FAM222B: variants seen among roughly 807,000 people sequenced by gnomAD.
The protein encoded by FAM222B is family with sequence similarity 222 member B.
A neutral mutation model predicts 38.0 loss-of-function variants in FAM222B; 12 were observed. The ratio of observed to expected loss-of-function variants is 0.32; its 90% CI spans 0.20 to 0.51. FAM222B has a LOEUF of 0.51. FAM222B is among the 20% of genes least tolerant of loss of function. FAM222B has a pLI of 0.97. For missense variants in FAM222B, 716 were observed against 754.2 expected (o/e 0.95, Z 0.59); for synonymous variants, 329 against 317.2 (o/e 1.04, Z -0.40).
At chr17:28,761,639 C>A (rs865934953) in intron 2 of FAM222B, among the ~76,000 whole-genome samples, 1 of 152,126 alleles carries the variant, frequency 6.6e-6, no homozygotes, top group Non-Finnish European at 1.5e-5. Flanking sequence ...TGGTTAGCAA[C>A]TCCTGCTCTG....
At chr17:28,813,174 T>C (rs2037880495) in intron 1 of FAM222B, among the ~76,000 whole-genome samples, 1 of 148,266 alleles carries the variant, frequency 6.7e-6, no homozygotes, top group South Asian at 2.1e-4. Flanking sequence ...ACACACATAG[T>C]TGGCTCCAAC....
At chr17:28,815,950 G>C (rs2038006761) in intron 1 of FAM222B, among the ~76,000 whole-genome samples, 1 of 145,248 alleles carries the variant, frequency 6.9e-6, no homozygotes, top group African/African-American at 2.6e-5. Context: ...CTGGGCAACA[G>C]AGCGAGACTC....
At chr17:28,851,889 AC>A (rs1395325285) in intron 1 of FAM222B, among the ~76,000 whole-genome samples, 6 of 145,822 alleles carry the variant, frequency 4.1e-5, no homozygotes, top group African/African-American at 7.7e-5. Flanking sequence ...AAAAAAAAAA[AC>A]CAAAAACAGA....
intron 1 of FAM222B, among the ~76,000 whole-genome samples, chr17:28,822,818 AAAAAAAAAAAAAAAATATATATAT>A (rs2038285655): frequency 9.9e-6 from 1 of 100,564 alleles, no homozygotes; most frequent in African/African-American, 5.0e-5. Context: ...AAAAAAAAAA[AAAAAAAAAAAAAAAATATATATAT>A]ATATATATAT....
intron 1 of FAM222B, among the ~76,000 whole-genome samples, chr17:28,814,663 C>T (rs567345908): frequency 3.3e-5 from 5 of 151,994 alleles, no homozygotes; most frequent in Admixed American, 6.6e-5. Flanking sequence ...GACGGGGTTT[C>T]GCCATGGTGG....
intron 1 of FAM222B, among the ~76,000 whole-genome samples, chr17:28,820,637 T>C (rs1246911231): frequency 1.8e-5 from 2 of 112,442 alleles, no homozygotes; most frequent in Non-Finnish European, 4.4e-5. Flanking sequence ...ATGGTAAAAC[T>C]TTTTTTTTTT....
chr17:28,846,577 G>A (rs144827475), upstream of FAM222B, among the ~76,000 whole-genome samples: 36 of 152,110 alleles, frequency 2.4e-4, no homozygotes, highest in Admixed American at 1.6e-3. Flanking sequence ...GCTGAAGAGC[G>A]AGGATTGCTT....
At chr17:28,842,400 G>A (rs2039074672) in intron 1 of FAM222B, among the ~76,000 whole-genome samples, 1 of 152,110 alleles carries the variant, frequency 6.6e-6, no homozygotes, top group South Asian at 2.1e-4. Context: ...TCTGAAAGAA[G>A]CGGAAAGGAG....
chr17:28,795,278 G>A (rs2036886808), intron 1 of FAM222B, among the ~76,000 whole-genome samples: 1 of 152,132 alleles, frequency 6.6e-6, no homozygotes, highest in African/African-American at 2.4e-5. Flanking sequence ...CCAAGTAGAT[G>A]GGATTACAGG....
chr17:28,781,091 G>A (rs2036148641), intron 1 of FAM222B, among the ~76,000 whole-genome samples: 1 of 152,052 alleles, frequency 6.6e-6, no homozygotes, highest in South Asian at 2.1e-4. Flanking sequence ...ATAGGTACGT[G>A]AAAAAATGCT....
At chr17:28,799,125 C>T (rs1449175236) in intron 1 of FAM222B, among the ~76,000 whole-genome samples, 1 of 151,106 alleles carries the variant, frequency 6.6e-6, no homozygotes, top group Non-Finnish European at 1.5e-5. Flanking sequence ...CAGGCGCACA[C>T]CACCATGCCC....
At chr17:28,852,106 G>A (rs1482940425) in intron 1 of FAM222B, among the ~76,000 whole-genome samples, 4 of 151,384 alleles carry the variant, frequency 2.6e-5, no homozygotes, top group South Asian at 2.1e-4. Flanking sequence ...GGTGGCTCAC[G>A]CCTGCAATCC....
chr17:28,846,300 C>T (rs2039145672), upstream of FAM222B, among the ~76,000 whole-genome samples: 2 of 151,332 alleles, frequency 1.3e-5, 1 homozygote, highest in South Asian at 4.2e-4. Context: ...ACCCAGGAGG[C>T]AGAGGTTGCA....
chr17:28,836,380 G>A (rs141762747), intron 1 of FAM222B, among the ~76,000 whole-genome samples: 33 of 152,066 alleles, frequency 2.2e-4, no homozygotes, highest in South Asian at 4.2e-4. Flanking sequence ...GCCAGCATAC[G>A]CCTGTAATCC....
rs930053113 is a variant in FAM222B, at chr17:28,757,210, T to G, written c.*1060A>C. ...AGAGCTTAAGGCTTTGTGTTTGTTT[T>G]TTTTTCCTTCATTAAACTGAGGGGC... On this transcript the variant is annotated 3_prime_UTR_variant, in exon 3 of 3. Transcript: ENST00000581407. 6.6e-6 allele frequency: 1 copy of G among 152,578 alleles called. No homozygotes were observed. Among genetic ancestry groups the G allele is most frequent in the Admixed American group, 6.5e-5 (1 of 15,268 alleles). 9.5% of individuals were successfully genotyped at this position (152,578 alleles called of 1,614,324 possible). A position where few individuals can be genotyped will look rare whatever the true frequency, so the allele number is the denominator to read the frequency against.
chr17:28,851,444 A>G (rs1459796314), intron 1 of FAM222B, among the ~76,000 whole-genome samples: 1 of 150,962 alleles, frequency 6.6e-6, no homozygotes, highest in Non-Finnish European at 1.5e-5. Context: ...TGAGGCAGGA[A>G]AATAGCTTGA....
At chr17:28,808,266 T>G (rs1044339019) in intron 1 of FAM222B, among the ~76,000 whole-genome samples, 6 of 152,214 alleles carry the variant, frequency 3.9e-5, no homozygotes, top group Admixed American at 3.9e-4. Flanking sequence ...ACCAACCATT[T>G]GATCTAGGAG....
chr17:28,841,055 G>T (rs1236431721), intron 1 of FAM222B, among the ~76,000 whole-genome samples: 1 of 152,170 alleles, frequency 6.6e-6, no homozygotes, highest in Non-Finnish European at 1.5e-5. Context: ...GGCACTTTGA[G>T]AGGCCGAGGT....
At position 28,758,091 on chromosome 17, in the gene FAM222B, G is replaced by A; in HGVS notation, c.*179C>T. ...TTCTAACATAAAACCAAAAGTTGCT[G>A]GAGGGGAGGACGAGAGGACCCCTTC... is the stretch of plus-strand genomic sequence containing the variant. On this transcript the variant is annotated 3_prime_UTR_variant, in exon 3 of 3. Coordinates refer to ENST00000581407, the MANE Select transcript of FAM222B (RefSeq NM_001077498.3). The A allele has an allele frequency of 1.8e-6, 1 of 557,192 alleles. No individual in the cohort carries two copies. Among genetic ancestry groups the A allele is most frequent in the Admixed American group, 3.7e-5 (1 of 27,326 alleles). The allele number at this position is 557,192 out of a possible 1,614,324, so 34.5% of individuals were successfully genotyped here. A position where few individuals can be genotyped will look rare whatever the true frequency, so the allele number is the denominator to read the frequency against.
Sources: allele counts gnomAD v4.1 joint callset (sites outside exome capture counted in the v4.1 genomes callset), GRCh38; gene constraint gnomAD v4.1.1; transcripts MANE v1.5; gene names NCBI Gene and HGNC (gene_info 2026-07-23, HGNC 2026-07-21).